ZBTB38: variants seen among roughly 807,000 people sequenced by gnomAD.
ZBTB38 encodes zinc finger and BTB domain-containing protein 38.
A neutral mutation model predicts 76.8 loss-of-function variants in ZBTB38; 20 were observed. The observed-to-expected ratio is 0.26, with a 90% CI of 0.18 to 0.38. ZBTB38 has a LOEUF of 0.38. Ranked by LOEUF, ZBTB38 falls within the 10% of genes least tolerant of loss-of-function variation. The pLI is 1.00. For missense variants in ZBTB38, 1,082 were observed against 1,482.3 expected (o/e 0.73, Z 4.43); for synonymous variants, 504 against 544.2 (o/e 0.93, Z 1.03).
chr3:141,332,474 A>G (rs1942883714), intron 1 of ZBTB38, among the ~76,000 whole-genome samples: 1 of 152,228 alleles, frequency 6.6e-6, no homozygotes, highest in African/African-American at 2.4e-5. Context: ...TGAGCCCTGC[A>G]GCCCTAGCTG....
intron 1 of ZBTB38, among the ~76,000 whole-genome samples, chr3:141,333,579 C>A (rs940097049): frequency 6.6e-6 from 1 of 152,060 alleles, no homozygotes; most frequent in Non-Finnish European, 1.5e-5. Flanking sequence ...GAAGGGGTTA[C>A]CACAGGATCA....
intron 2 of ZBTB38, among the ~76,000 whole-genome samples, chr3:141,373,655 T>C (rs55675250): frequency 0.018 from 2,731 of 152,296 alleles, 36 homozygotes; most frequent in Non-Finnish European, 0.027. Flanking sequence ...AGTTGGAAAA[T>C]ACCACACTTC....
chr3:141,400,223 G>C (rs1165899742), intron 4 of ZBTB38, among the ~76,000 whole-genome samples: 1 of 152,066 alleles, frequency 6.6e-6, no homozygotes, highest in African/African-American at 2.4e-5. Flanking sequence ...TTGAAGAACG[G>C]GTTGATTATG....
intron 1 of ZBTB38, among the ~76,000 whole-genome samples, chr3:141,346,649 A>G (rs1238449192): frequency 6.6e-6 from 1 of 152,144 alleles, no homozygotes; most frequent in African/African-American, 2.4e-5. Context: ...CGAGGGGTAA[A>G]TAGGAAATGA....
intron 4 of ZBTB38, among the ~76,000 whole-genome samples, chr3:141,391,237 G>T (rs946099989): frequency 6.6e-6 from 1 of 152,152 alleles, no homozygotes; most frequent in South Asian, 2.1e-4. Flanking sequence ...CTTTAAAATG[G>T]TTGATCAGAA....
intron 4 of ZBTB38, among the ~76,000 whole-genome samples, chr3:141,398,624 T>C (rs140883180): frequency 1.2e-3 from 180 of 152,356 alleles, no homozygotes; most frequent in Middle Eastern, 3.4e-3. Flanking sequence ...GGCAATCTTG[T>C]TTCATGTAAA....
rs1348696149 is a variant in ZBTB38 at position 141,351,060 on chromosome 3, C to T, written c.-738-17561C>T. On this transcript the variant is annotated intron_variant, in intron 1 of 7. Coordinates refer to the ZBTB38 transcript ENST00000509842. ...TTTGAAAAAAATTTATATTATAAAA[C>T]GTGGGTTGCTAAACTATAAAGAAAA... Among the ~76,000 whole-genome samples the T allele has an allele frequency of 4.6e-5, 7 of 152,166 alleles. No individual in the cohort carries two copies. The East Asian group carries it at 7.7e-4, about 17-fold the overall frequency.
chr3:141,436,185 G>A (rs2078743650), intron 5 of ZBTB38, among the ~76,000 whole-genome samples: 1 of 152,126 alleles, frequency 6.6e-6, no homozygotes, highest in African/African-American at 2.4e-5. Flanking sequence ...ACTGTTTTTG[G>A]TGAAAATGAC....
intron 1 of ZBTB38, among the ~76,000 whole-genome samples, chr3:141,334,443 T>C (rs1022750601): frequency 1.6e-5 from 2 of 127,976 alleles, no homozygotes; most frequent in Non-Finnish European, 3.3e-5. Context: ...CTTCCTTCCT[T>C]CTTTCCTTTC....
intron 1 of ZBTB38, among the ~76,000 whole-genome samples, chr3:141,331,500 T>C (rs1942851064): frequency 6.6e-6 from 1 of 152,230 alleles, no homozygotes; most frequent in Non-Finnish European, 1.5e-5. Flanking sequence ...AGCACTGATG[T>C]TTATGCCTGC....
chr3:141,437,402 G>T (rs1396879544), intron 5 of ZBTB38, among the ~76,000 whole-genome samples: 2 of 152,122 alleles, frequency 1.3e-5, no homozygotes, highest in Non-Finnish European at 2.9e-5. Flanking sequence ...GATCCTGGAT[G>T]TTCCCTGGGT....
intron 1 of ZBTB38, among the ~76,000 whole-genome samples, chr3:141,354,912 G>A (rs1164335551): frequency 1.3e-5 from 2 of 151,952 alleles, no homozygotes; most frequent in Non-Finnish European, 2.9e-5. Flanking sequence ...CTAATTCCAG[G>A]CCTCTTTCTC....
At chr3:141,372,834 T>A (rs948031873) in intron 2 of ZBTB38, among the ~76,000 whole-genome samples, 2 of 152,150 alleles carry the variant, frequency 1.3e-5, no homozygotes, top group Admixed American at 6.5e-5. Flanking sequence ...AAGGTCTCAG[T>A]CAACATCAGG....
Position 141,359,805 on chromosome 3 carries a change from C to A in ZBTB38, c.-738-8816C>A, listed in dbSNP as rs545723365. Among the ~76,000 whole-genome samples the A allele has an allele frequency of 2.4e-3, 368 of 152,044 alleles. 3 individuals carry two copies. The highest frequency in any genetic ancestry group is 7.9e-3 in the African/African-American group (327 of 41,422). On this transcript the variant is annotated intron_variant, in intron 1 of 7. Transcript: ENST00000509842. ...AATTAGCCAGGCATGGTGGTCCATG[C>A]CTGTGGTTCCAGCTACTCAGGAGGC... is the stretch of plus-strand genomic sequence containing the variant.
At chr3:141,399,388 C>T (rs910484084) in intron 4 of ZBTB38, among the ~76,000 whole-genome samples, 4 of 152,276 alleles carry the variant, frequency 2.6e-5, no homozygotes, top group Middle Eastern at 3.4e-3. Flanking sequence ...GAAGTTGACA[C>T]CTCTATTCTA....
chr3:141,329,700 A>ATAC (rs1942786666), intron 1 of ZBTB38, among the ~76,000 whole-genome samples: 1 of 152,234 alleles, frequency 6.6e-6, no homozygotes, highest in Non-Finnish European at 1.5e-5. Flanking sequence ...AAGTTTCCAG[A>ATAC]TACTGCATTA....
intron 5 of ZBTB38, among the ~76,000 whole-genome samples, chr3:141,424,953 C>G (rs988625201): frequency 2.0e-5 from 3 of 152,198 alleles, no homozygotes; most frequent in Admixed American, 1.3e-4. Context: ...ATGCCAGATA[C>G]TATACCAAGC....
chr3:141,334,799 CT>C (rs1278340876), intron 1 of ZBTB38, among the ~76,000 whole-genome samples: 1 of 152,174 alleles, frequency 6.6e-6, no homozygotes, highest in Non-Finnish European at 1.5e-5. Flanking sequence ...CCCAGTTCCT[CT>C]ACCTGAGAAG....
chr3:141,355,278 C>T (rs887318696), intron 1 of ZBTB38, among the ~76,000 whole-genome samples: 1 of 152,066 alleles, frequency 6.6e-6, no homozygotes, highest in Non-Finnish European at 1.5e-5. Flanking sequence ...TCAGATTAAA[C>T]TTGGCTACAA....
Sources: allele counts gnomAD v4.1 joint callset (sites outside exome capture counted in the v4.1 genomes callset), GRCh38; gene constraint gnomAD v4.1.1; transcripts MANE v1.5; gene names NCBI Gene and HGNC (gene_info 2026-07-23, HGNC 2026-07-21).